The following HMCN1 variants were observed in gnomAD, a reference collection of about 807,000 sequenced individuals.
HMCN1 encodes hemicentin-1.
HMCN1 carries 321 observed loss-of-function variants against 625.9 expected under a neutral mutation model. The ratio of observed to expected loss-of-function variants is 0.51; its 90% CI spans 0.47 to 0.56. The LOEUF is 0.56. HMCN1 is among the 20% of genes least tolerant of loss of function. The probability of loss-of-function intolerance (pLI) is 0.00; values close to 1 mark genes in which losing one functional copy is unlikely to be tolerated. For synonymous variants in HMCN1, 2,425 were observed against 2,417.6 expected, an observed-to-expected ratio of 1.00 and a Z score of -0.09; for missense variants, 6,588 against 6,887.3, an observed-to-expected ratio of 0.96 and a Z score of 1.54.
intron 30 of HMCN1, among the ~76,000 whole-genome samples, chr1:186,009,111 G>A (rs971528937): frequency 2.6e-5 from 4 of 152,154 alleles, no homozygotes; most frequent in African/African-American, 9.7e-5. Flanking sequence ...TCCCACCAGA[G>A]CCAGACTTTT....
At chr1:186,172,801 A>G (rs1476369172) in intron 102 of HMCN1, among the ~76,000 whole-genome samples, 1 of 152,196 alleles carries the variant, frequency 6.6e-6, no homozygotes, top group Non-Finnish European at 1.5e-5. Flanking sequence ...GGCCTACTCC[A>G]CTATACCCCC....
rs142876771 is a variant in HMCN1, at chr1:185,842,669, C to T, written c.269-3357C>T. The stretch of plus-strand genomic sequence containing the variant: ...CACTTGATCCTTGGGAGGTCAAGGC[C>T]GCAGTAAGCTATGACAGTGCCACTG... On this transcript the variant is annotated intron_variant, in intron 1 of 106. Coordinates refer to ENST00000271588, the MANE Select transcript of HMCN1 (RefSeq NM_031935.3). Among the ~76,000 whole-genome samples, 49 of 151,912 alleles carry T rather than the reference C, an allele frequency of 3.2e-4. No individual in the cohort carries two copies. The East Asian group carries it at 7.0e-3, about 22-fold the overall frequency.
At chr1:185,878,433 G>A (rs1018068139) in intron 4 of HMCN1, among the ~76,000 whole-genome samples, 1 of 152,088 alleles carries the variant, frequency 6.6e-6, no homozygotes, top group Non-Finnish European at 1.5e-5. Context: ...CTAGTTTGTT[G>A]AGGGCTTTTA....
chr1:185,811,352 A>G (rs1363097076), intron 1 of HMCN1, among the ~76,000 whole-genome samples: 4 of 152,058 alleles, frequency 2.6e-5, no homozygotes, highest in Non-Finnish European at 4.4e-5. Context: ...TCCACATCAC[A>G]GTCTACTTGA....
At chr1:185,761,512 A>C (rs909092999) in intron 1 of HMCN1, among the ~76,000 whole-genome samples, 6 of 152,116 alleles carry the variant, frequency 3.9e-5, no homozygotes, top group Non-Finnish European at 7.4e-5. Context: ...CAACTCATTC[A>C]CTTTTCATTT....
At position 186,151,305 on chromosome 1, in the gene HMCN1, C is replaced by G. The variant is rs1253313342; in HGVS notation, c.14714C>G (p.Thr4905Ser). The G allele has an allele frequency of 6.2e-7, 1 of 1,613,472 alleles. No individual in the cohort carries two copies. Among genetic ancestry groups the G allele is most frequent in the Non-Finnish European group, 8.5e-7 (1 of 1,179,604 alleles). Reference protein sequence around the residue: ...ATITDSPNSDTRIIRAKITNV... With the variant: ...ATITDSPNSDSRIIRAKITNV... Reference sequence around the variant, plus strand: ...ATAACTGATAGCCCTAACTCTGATACTAGAATAATACGTGCCAAAATTACC... The same window carrying G: ...ATAACTGATAGCCCTAACTCTGATAGTAGAATAATACGTGCCAAAATTACC... Residue 4905 changes from threonine to serine, a missense_variant, in exon 94 of 107, where the codon ACT becomes AGT. Coordinates refer to ENST00000271588, the MANE Select transcript of HMCN1 (RefSeq NM_031935.3).
chr1:185,832,346 T>A (rs1380426778), intron 1 of HMCN1, among the ~76,000 whole-genome samples: 3 of 152,006 alleles, frequency 2.0e-5, no homozygotes, highest in Non-Finnish European at 4.4e-5. Flanking sequence ...TAAGCATGAA[T>A]GGCCAGAAAA....
rs192503466 is a variant in HMCN1, at chr1:185,815,715, G to C, written c.269-30311G>C. Among the ~76,000 whole-genome samples, 38 of 150,132 alleles carry C rather than the reference G, an allele frequency of 2.5e-4. 4 individuals carry two copies. Among genetic ancestry groups the C allele is most frequent in the African/African-American group, 9.1e-4 (36 of 39,598 alleles). On this transcript the variant is annotated intron_variant, in intron 1 of 106. Coordinates refer to ENST00000271588, the MANE Select transcript of HMCN1 (RefSeq NM_031935.3). ...TCTTAGTATGTTCAGCAACACATTAGTGACAATGATGTGAGTAAGTTTCCT... is the reference window on the plus strand; with the variant it reads ...TCTTAGTATGTTCAGCAACACATTACTGACAATGATGTGAGTAAGTTTCCT...
chr1:185,778,767 C>A (rs1428343602), intron 1 of HMCN1, among the ~76,000 whole-genome samples: 1 of 152,056 alleles, frequency 6.6e-6, no homozygotes, highest in Non-Finnish European at 1.5e-5. Flanking sequence ...TGGGTTGGTT[C>A]CAAGTCTTTG....
chr1:186,115,058 A>G (rs1661067422), intron 74 of HMCN1, 112 bp downstream of exon 74: 1 of 1,500,404 alleles, frequency 6.7e-7, no homozygotes, highest in African/African-American at 1.4e-5. Flanking sequence ...AGCAATTTAC[A>G]TTATGGTATG....
In HMCN1 at chr1:185,923,472, A is replaced by G. The variant is rs41317461; in HGVS notation, c.1104A>G (p.Ser368=). The change falls in exon 8 of 107, where the codon TCA becomes TCG. Residue 368 remains serine, a synonymous_variant. Transcript: ENST00000271588. ...ATCTTCTTGAACTTTTGAGTATCTC[A>G]GGAAGTTCTCTTAAGACTATTCCTG... ...RIDLLELLSI[S]GSSLKTIPVK... 118 of 1,610,612 alleles carry G rather than the reference A, an allele frequency of 7.3e-5. No individual in the cohort carries two copies. Among genetic ancestry groups the G allele is most frequent in the Admixed American group, 1.2e-4 (7 of 60,018 alleles).
intron 52 of HMCN1, among the ~76,000 whole-genome samples, chr1:186,072,497 CAT>C (rs1361786205): frequency 2.6e-5 from 4 of 152,128 alleles, no homozygotes; most frequent in Non-Finnish European, 4.4e-5. Context: ...AATTTCTACT[CAT>C]GTGAAGTTTA....
intron 30 of HMCN1, among the ~76,000 whole-genome samples, chr1:186,012,090 A>T (rs1347558724): frequency 6.6e-6 from 1 of 151,276 alleles, no homozygotes; most frequent in Admixed American, 6.6e-5. Context: ...AGCAAACAAA[A>T]TACACCATTT....
At chr1:185,834,417 G>A (rs78803971) in intron 1 of HMCN1, among the ~76,000 whole-genome samples, 2,615 of 152,154 alleles carry the variant, frequency 0.017, 83 homozygotes, top group African/African-American at 0.058. Flanking sequence ...GTTGTTGGCA[G>A]GATTGAGTTC....
At chr1:186,042,897 T>TG (rs1656300091) in intron 40 of HMCN1, among the ~76,000 whole-genome samples, 1 of 151,996 alleles carries the variant, frequency 6.6e-6, no homozygotes, top group Non-Finnish European at 1.5e-5. Context: ...GGTACGCTGT[T>TG]GGGGGGTGGA....
intron 55 of HMCN1, among the ~76,000 whole-genome samples, 198 bp downstream of exon 55, chr1:186,078,418 G>C (rs1571318263): frequency 6.6e-6 from 1 of 152,100 alleles, no homozygotes; most frequent in African/African-American, 2.4e-5. Flanking sequence ...GAAACAAACT[G>C]ACTTAAATGA....
chr1:185,940,897 G>C (rs1668046497), intron 11 of HMCN1, among the ~76,000 whole-genome samples: 1 of 152,170 alleles, frequency 6.6e-6, no homozygotes, highest in Non-Finnish European at 1.5e-5. Context: ...CTCAGTAGCT[G>C]GGATTACAGG....
intron 15 of HMCN1, among the ~76,000 whole-genome samples, chr1:185,975,525 C>G (rs1268060620): frequency 6.6e-6 from 1 of 152,028 alleles, no homozygotes; most frequent in Non-Finnish European, 1.5e-5. Flanking sequence ...CCAATCACCT[C>G]CCACCAGGCC....
intron 55 of HMCN1, among the ~76,000 whole-genome samples, chr1:186,080,008 T>A (rs1659069679): frequency 6.6e-6 from 1 of 152,158 alleles, no homozygotes; most frequent in African/African-American, 2.4e-5. Context: ...TGCCTGAATC[T>A]CCTAGCCCTC....
Sources: allele counts gnomAD v4.1 joint callset (sites outside exome capture counted in the v4.1 genomes callset), GRCh38; gene constraint gnomAD v4.1.1; transcripts MANE v1.5; gene names NCBI Gene and HGNC (gene_info 2026-07-23, HGNC 2026-07-21).